Variants in ANKRD44 observed in about 807,000 individuals in gnomAD.
ANKRD44 encodes serine/threonine-protein phosphatase 6 regulatory ankyrin repeat subunit B.
In ANKRD44, 35 loss-of-function variants were observed where a neutral mutation model predicts 116.0. The observed-to-expected ratio is 0.30, with a 90% confidence interval of 0.23 to 0.40. ANKRD44 has a LOEUF of 0.40. Ranked by LOEUF, ANKRD44 falls within the 10% of genes least tolerant of loss-of-function variation. The pLI is 1.00. For missense variants in ANKRD44, 1,014 were observed against 1,242.6 expected, an observed-to-expected ratio of 0.82 and a Z score of 2.77; for synonymous variants, 435 against 461.8, an observed-to-expected ratio of 0.94 and a Z score of 0.74.
At chr2:197,265,675 A>G (rs1242190589) in intron 1 of ANKRD44, among the ~76,000 whole-genome samples, 1 of 152,162 alleles carries the variant, frequency 6.6e-6, no homozygotes, top group African/African-American at 2.4e-5. Flanking sequence ...AGAGTTTCTC[A>G]TATGCAGAGA....
intron 1 of ANKRD44, among the ~76,000 whole-genome samples, chr2:197,306,068 A>G (rs2084065341): frequency 6.6e-6 from 1 of 151,552 alleles, no homozygotes; most frequent in South Asian, 2.1e-4. Flanking sequence ...AAAGCCAGGT[A>G]TAAGCCAGGC....
intron 2 of ANKRD44, among the ~76,000 whole-genome samples, chr2:197,172,128 A>G (rs2080252468): frequency 1.3e-5 from 2 of 151,166 alleles, no homozygotes; most frequent in South Asian, 4.2e-4. Context: ...AGCCTTCCAA[A>G]TAGCTGGGAT....
intron 14 of ANKRD44, among the ~76,000 whole-genome samples, chr2:197,082,464 T>C (rs143026826): frequency 3.3e-5 from 5 of 152,346 alleles, no homozygotes; most frequent in African/African-American, 1.2e-4. Context: ...TTTTATCTAA[T>C]GAAACAGAGA....
At chr2:197,196,467 AC>A (rs1245064911) in intron 1 of ANKRD44, among the ~76,000 whole-genome samples, 1 of 152,234 alleles carries the variant, frequency 6.6e-6, no homozygotes, top group Non-Finnish European at 1.5e-5. Context: ...ATCCATAACT[AC>A]AGAAGTATCT....
intron 4 of ANKRD44, among the ~76,000 whole-genome samples, chr2:197,128,447 A>G (rs2079026770): frequency 6.6e-6 from 1 of 152,118 alleles, no homozygotes; most frequent in Non-Finnish European, 1.5e-5. Flanking sequence ...TCTTTTGAGA[A>G]CTGCCTGTTC....
Position 196,989,489 on chromosome 2 carries a change from T to C in ANKRD44, c.*102A>G. 7.4e-7 allele frequency: 1 copy of C among 1,356,594 alleles called. No individual in the cohort carries two copies. The highest frequency in any genetic ancestry group is 9.5e-7 in the Non-Finnish European group (1 of 1,048,680). 84.0% of individuals were successfully genotyped at this position (1,356,594 alleles called of 1,614,324 possible). A position where few individuals can be genotyped will look rare whatever the true frequency, so the allele number is the denominator to read the frequency against. ...TTAGACTGAAGCATTTTGGTCCTCA[T>C]GTGTAGCTGGCTGATGAACTACACA... On this transcript the variant is annotated 3_prime_UTR_variant, in exon 28 of 28. Transcript: ENST00000282272.
chr2:197,187,699 T>C lies in ANKRD44; in HGVS notation c.28-593A>G, dbSNP rs567358642. On this transcript the variant is annotated intron_variant, in intron 1 of 27. Coordinates refer to ENST00000282272, the MANE Select transcript of ANKRD44 (RefSeq NM_001195144.2). ...CTCTCCCTCTTCTTCTCCCTCTCTC[T>C]CTTTCTTCTCTCTCACACAGGAGGA... Among the ~76,000 whole-genome samples, 5 of 152,166 alleles carry C rather than the reference T, an allele frequency of 3.3e-5. No homozygotes were observed. The South Asian group carries it at 1.0e-3, about 32-fold the overall frequency.
intron 1 of ANKRD44, among the ~76,000 whole-genome samples, chr2:197,262,495 T>C (rs1574390765): frequency 6.6e-6 from 1 of 152,346 alleles, no homozygotes; most frequent in East Asian, 1.9e-4. Flanking sequence ...CCTTTTCTCA[T>C]TTTAAGGCAT....
At chr2:197,191,687 A>T (rs2080826908) in intron 1 of ANKRD44, among the ~76,000 whole-genome samples, 1 of 152,224 alleles carries the variant, frequency 6.6e-6, no homozygotes, top group Non-Finnish European at 1.5e-5. Flanking sequence ...AAGGTTCAGG[A>T]TGTGTAATTA....
intron 17 of ANKRD44, among the ~76,000 whole-genome samples, chr2:197,024,527 C>T (rs1207928796): frequency 3.9e-5 from 6 of 152,184 alleles, no homozygotes; most frequent in Non-Finnish European, 8.8e-5. Flanking sequence ...GCACTTCCCA[C>T]CTTGGTCACT....
intron 1 of ANKRD44, among the ~76,000 whole-genome samples, chr2:197,265,529 G>A (rs1313898712): frequency 2.0e-5 from 3 of 152,166 alleles, no homozygotes; most frequent in African/African-American, 7.2e-5. Context: ...TTACAGGTGT[G>A]AGCCACCATG....
Position 197,184,944 on chromosome 2 carries a change from A to G in ANKRD44, c.111+2079T>C, listed in dbSNP as rs186494461. Among the ~76,000 whole-genome samples, 218 of 152,344 alleles carry G rather than the reference A, an allele frequency of 1.4e-3. 1 individual carries two copies. Among genetic ancestry groups the G allele is most frequent in the African/African-American group, 4.9e-3 (205 of 41,586 alleles). ...TTTACCAGCTAGCAACTGTTTTGTCACTTTCCCAAAAAGAAATGAAGGCCA... is the reference window on the plus strand; with the variant it reads ...TTTACCAGCTAGCAACTGTTTTGTCGCTTTCCCAAAAAGAAATGAAGGCCA... On this transcript the variant is annotated intron_variant, in intron 2 of 27. Transcript: ENST00000282272.
At chr2:197,120,324 AC>A (rs1276378057) in intron 8 of ANKRD44, among the ~76,000 whole-genome samples, 1 of 152,182 alleles carries the variant, frequency 6.6e-6, no homozygotes, top group East Asian at 1.9e-4. Flanking sequence ...GCTCAGTGCT[AC>A]ATCACTGAAG....
chr2:197,111,883 G>A (rs994105792), intron 8 of ANKRD44, among the ~76,000 whole-genome samples: 1 of 152,026 alleles, frequency 6.6e-6, no homozygotes, highest in Non-Finnish European at 1.5e-5. Flanking sequence ...CAACTGTTTA[G>A]GAAACTGCCT....
downstream of ANKRD44, among the ~76,000 whole-genome samples, chr2:196,985,724 T>C (rs780929537): frequency 3.3e-5 from 5 of 152,158 alleles, no homozygotes; most frequent in Non-Finnish European, 7.4e-5. Flanking sequence ...ACTACTTGAT[T>C]TGGGGAACTC....
At chr2:197,154,816 G>A (rs76403802) in intron 2 of ANKRD44, among the ~76,000 whole-genome samples, 3,642 of 152,196 alleles carry the variant, frequency 0.024, 59 homozygotes, top group Middle Eastern at 0.048. Context: ...AAAGGTGACA[G>A]CAAATCTCTG....
intron 1 of ANKRD44, among the ~76,000 whole-genome samples, chr2:197,304,726 C>G (rs562473739): frequency 6.6e-6 from 1 of 152,270 alleles, no homozygotes; most frequent in East Asian, 1.9e-4. Flanking sequence ...TCCCGTGTAC[C>G]CATAGCAAAC....
chr2:197,068,141 CAT>C (rs1237748092), intron 16 of ANKRD44, among the ~76,000 whole-genome samples: 6 of 114,878 alleles, frequency 5.2e-5, no homozygotes, highest in Non-Finnish European at 8.7e-5. Context: ...TATTCTCACT[CAT>C]AGGTGGGAAT....
rs764796281 is a variant in ANKRD44 at position 197,007,951 on chromosome 2, A to C, written c.2013-28T>G. The C allele has an allele frequency of 4.6e-6, 7 of 1,526,626 alleles. No individual in the cohort carries two copies. The African/African-American group carries it at 9.6e-5, about 21-fold the overall frequency. The allele number at this position is 1,526,626 out of a possible 1,614,324, so 94.6% of individuals were successfully genotyped here. ...AGGCAGAGAGATAAAGCAGGCTTTTAAAAAGGAGATTTAAAAAAATATTCA... is the reference window on the plus strand; with the variant it reads ...AGGCAGAGAGATAAAGCAGGCTTTTCAAAAGGAGATTTAAAAAAATATTCA... On this transcript the variant is annotated intron_variant, in intron 19 of 27. Coordinates refer to ENST00000282272, the MANE Select transcript of ANKRD44 (RefSeq NM_001195144.2).
Sources: allele counts gnomAD v4.1 joint callset (sites outside exome capture counted in the v4.1 genomes callset), GRCh38; gene constraint gnomAD v4.1.1; transcripts MANE v1.5; gene names NCBI Gene and HGNC (gene_info 2026-07-23, HGNC 2026-07-21).